The following FRMD4A variants were observed in gnomAD, a reference collection of about 807,000 sequenced individuals.
The protein encoded by FRMD4A is FERM domain containing 4A.
A neutral mutation model predicts 129.1 loss-of-function variants in FRMD4A; 29 were observed. That is an observed-to-expected ratio of 0.22 (90% CI 0.17 to 0.31). FRMD4A has a LOEUF of 0.31. FRMD4A is among the 10% of genes least tolerant of loss of function. The pLI, the probability that FRMD4A is intolerant of heterozygous loss-of-function variation, is 1.00. For missense variants in FRMD4A, 1,272 were observed against 1,375.8 expected, an observed-to-expected ratio of 0.92 and a Z score of 1.19; for synonymous variants, 634 against 571.6, an observed-to-expected ratio of 1.11 and a Z score of -1.56.
At chr10:14,110,536 G>A (rs1259448212) in intron 2 of FRMD4A, among the ~76,000 whole-genome samples, 3 of 152,062 alleles carry the variant, frequency 2.0e-5, no homozygotes, top group Non-Finnish European at 4.4e-5. Flanking sequence ...GACAATGGAG[G>A]CATTCACCCA....
In FRMD4A at chr10:13,645,453, G is replaced by A. The variant is rs1052579469; in HGVS notation, c.*1585C>T. On this transcript the variant is annotated 3_prime_UTR_variant, in exon 25 of 25. Transcript: ENST00000357447. ...CATCTTGAATAACCCAACTAAAGTCGTGCACTTGTTACTATAAAAGTATTT... is the reference window on the plus strand; with the variant it reads ...CATCTTGAATAACCCAACTAAAGTCATGCACTTGTTACTATAAAAGTATTT... The A allele has an allele frequency of 2.6e-5, 4 of 151,118 alleles. No individual in the cohort carries two copies. Among genetic ancestry groups the A allele is most frequent in the East Asian group, 2.0e-4 (1 of 5,094 alleles). 9.4% of individuals were successfully genotyped at this position (151,118 alleles called of 1,614,324 possible). A position where few individuals can be genotyped will look rare whatever the true frequency, so the allele number is the denominator to read the frequency against.
chr10:14,013,722 G>A (rs11596572), intron 2 of FRMD4A, among the ~76,000 whole-genome samples: 56,661 of 151,636 alleles, frequency 0.37, 12,722 homozygotes, highest in Non-Finnish European at 0.52. Context: ...CCCTGAGGTC[G>A]GGAGTTCAAG....
chr10:14,000,879 G>A (rs2095640452), intron 2 of FRMD4A, among the ~76,000 whole-genome samples: 2 of 152,024 alleles, frequency 1.3e-5, no homozygotes, highest in South Asian at 4.1e-4. Flanking sequence ...GACTTCGGAA[G>A]GCCTCAGGTA....
chr10:14,279,181 G>GGTTTTTTTT, intron 2 of FRMD4A, among the ~76,000 whole-genome samples: 2 of 130,648 alleles, frequency 1.5e-5, no homozygotes, highest in Non-Finnish European at 3.3e-5. Flanking sequence ...GAGGAAGCGG[G>GGTTTTTTTT]ATTTTTTTTT....
intron 2 of FRMD4A, among the ~76,000 whole-genome samples, chr10:14,237,298 G>A (rs77002269): frequency 0.061 from 9,242 of 152,016 alleles, 345 homozygotes; most frequent in Non-Finnish European, 0.083. Flanking sequence ...ATTTAATCAG[G>A]GAGAAGTCAC....
intron 2 of FRMD4A, among the ~76,000 whole-genome samples, chr10:14,010,046 T>C (rs766685746): frequency 2.0e-4 from 30 of 152,200 alleles, no homozygotes; most frequent in Non-Finnish European, 2.8e-4. Context: ...GAACAAAGGA[T>C]AGGCACACTT....
rs973175969 is a variant in FRMD4A, at chr10:13,656,780, C to T, written c.2809G>A (p.Ala937Thr). The change falls in exon 22 of 25, where the codon GCC (alanine) becomes ACC (threonine). Residue 937 changes from alanine to threonine, a missense_variant. Transcript: ENST00000357447. The part of the protein sequence containing the change: ...ELRQWYQRST[A>T]SHKEHSRLSH... ...AGGCGGCTGTGCTCCTTGTGCGAGG[C>T]GGTGGAACGCTGGTACCACTGGCGC... 4.4e-6 allele frequency: 7 copies of T among 1,596,014 alleles called. No homozygotes were observed. The highest frequency in any genetic ancestry group is 3.4e-5 in the South Asian group (3 of 88,418).
intron 2 of FRMD4A, among the ~76,000 whole-genome samples, chr10:14,054,816 G>A (rs1265792994): frequency 6.6e-6 from 1 of 152,196 alleles, no homozygotes; most frequent in African/African-American, 2.4e-5. Context: ...CTGTTCTTGT[G>A]ATAGTAAGTC....
rs139051462 is a variant in FRMD4A at position 13,678,373 on chromosome 10, T to C, written c.1118-3329A>G. ...CGCAAAATCACTGAGCCAGCCTGCC[T>C]TGGACATGCAGATTTCCACTGTGGC... On this transcript the variant is annotated intron_variant, in intron 15 of 24. Transcript: ENST00000357447. Among the ~76,000 whole-genome samples, 590 of 152,352 alleles carry C rather than the reference T, an allele frequency of 3.9e-3. 3 individuals are homozygous for C. Among genetic ancestry groups the C allele is most frequent in the Non-Finnish European group, 6.8e-3 (464 of 68,026 alleles).
chr10:13,884,194 A>ACACACTCACACACT (rs2094587770), intron 2 of FRMD4A, among the ~76,000 whole-genome samples: 8 of 79,862 alleles, frequency 1.0e-4, no homozygotes, highest in African/African-American at 3.6e-4. Flanking sequence ...ACACACACAC[A>ACACACTCACACACT]CTCACACACA....
chr10:13,996,835 C>T (rs1262062172), intron 2 of FRMD4A, among the ~76,000 whole-genome samples: 1 of 152,100 alleles, frequency 6.6e-6, no homozygotes, highest in African/African-American at 2.4e-5. Flanking sequence ...GATGTCGATC[C>T]CCAAATTCGG....
chr10:13,878,982 C>G (rs1166682384), intron 2 of FRMD4A, among the ~76,000 whole-genome samples: 1 of 152,130 alleles, frequency 6.6e-6, no homozygotes, highest in Non-Finnish European at 1.5e-5. Flanking sequence ...GAGCATCACA[C>G]AAATGATTGA....
intron 2 of FRMD4A, among the ~76,000 whole-genome samples, chr10:13,987,858 A>G (rs2095587458): frequency 6.6e-6 from 1 of 152,260 alleles, no homozygotes; most frequent in African/African-American, 2.4e-5. Context: ...TAATGATTTC[A>G]GAGTTTGCTT....
chr10:13,689,820 A>T (rs2085503222), intron 15 of FRMD4A, among the ~76,000 whole-genome samples: 1 of 151,992 alleles, frequency 6.6e-6, no homozygotes, highest in South Asian at 2.1e-4. Context: ...CACCGCCCCA[A>T]ACCCCTACCC....
At chr10:13,910,783 C>T (rs1373288599) in intron 2 of FRMD4A, among the ~76,000 whole-genome samples, 1 of 151,190 alleles carries the variant, frequency 6.6e-6, no homozygotes, top group Non-Finnish European at 1.5e-5. Flanking sequence ...CAGCTGGCAC[C>T]CAGCAATGAC....
chr10:13,750,947 TTC>T (rs1299229067), intron 8 of FRMD4A, among the ~76,000 whole-genome samples: 1 of 152,220 alleles, frequency 6.6e-6, no homozygotes, highest in African/African-American at 2.4e-5. Context: ...TTTCCGGATC[TTC>T]TCTCCCTGCG....
At chr10:13,703,106 TC>T (rs1564648549) in intron 13 of FRMD4A, among the ~76,000 whole-genome samples, 2 of 151,838 alleles carry the variant, frequency 1.3e-5, no homozygotes, top group Admixed American at 6.6e-5. Context: ...GACTTTTTTT[TC>T]CCCCCAGAAA....
At position 13,705,434 on chromosome 10, in the gene FRMD4A, C is replaced by A. The variant is rs867382453; in HGVS notation, c.836+1603G>T. On this transcript the variant is annotated intron_variant, in intron 13 of 24. Coordinates refer to ENST00000357447, the MANE Select transcript of FRMD4A (RefSeq NM_018027.5). ...TGTTCACTGAATTCCCAGCAGAGCA[C>A]AGGCATGGCGGAGGGTCTATTCCCT... 1.2e-3 allele frequency among the ~76,000 whole-genome samples: 177 copies of A among 152,332 alleles called. 1 individual carries two copies. Among genetic ancestry groups the A allele is most frequent in the African/African-American group, 4.0e-3 (168 of 41,584 alleles).
At chr10:13,933,962 C>G (rs2095226256) in intron 2 of FRMD4A, among the ~76,000 whole-genome samples, 1 of 152,142 alleles carries the variant, frequency 6.6e-6, no homozygotes, top group African/African-American at 2.4e-5. Context: ...TCCTTGACAG[C>G]TCTATAACTA....
Sources: gnomAD v4.1 joint callset for allele counts (sites outside exome capture counted in the v4.1 genomes callset) on GRCh38, gnomAD v4.1.1 for gene constraint, MANE v1.5 for transcripts, NCBI Gene and HGNC (gene_info 2026-07-23, HGNC 2026-07-21) for gene names.